Variants in CYBB observed in about 807,000 individuals in gnomAD.
The protein encoded by CYBB is NADPH oxidase 2.
CYBB carries 5 observed loss-of-function variants against 46.5 expected under a neutral mutation model. That is an observed-to-expected ratio of 0.11 (90% CI 0.06 to 0.23). The LOEUF (loss-of-function observed/expected upper bound fraction) is 0.23. CYBB is among the 10% of genes least tolerant of loss of function. The probability of loss-of-function intolerance (pLI) is 1.00; values close to 1 mark genes in which losing one functional copy is unlikely to be tolerated. For synonymous variants in CYBB, 183 were observed against 156.7 expected (o/e 1.17, Z -1.26); for missense variants, 307 against 428.3 (o/e 0.72, Z 2.50).
intron 3 of CYBB, among the ~76,000 whole-genome samples, chrX:37,784,040 TA>T (rs1556464942): frequency 5.4e-5 from 6 of 111,553 alleles, no homozygotes; most frequent in Admixed American, 2.9e-4. Flanking sequence ...AGTCACACTA[TA>T]ATGAATGTAA....
At chrX:37,780,739 T>A (rs983353872) in intron 1 of CYBB, among the ~76,000 whole-genome samples, 2 of 101,553 alleles carry the variant, frequency 2.0e-5, no homozygotes, top group Non-Finnish European at 4.0e-5. Context: ...TATATATATA[T>A]AAATCAATAT....
At chrX:37,791,574 G>A in intron 3 of CYBB, among the ~76,000 whole-genome samples, 1 of 112,089 alleles carries the variant, frequency 8.9e-6, no homozygotes, top group Non-Finnish European at 1.9e-5. Context: ...TCACTTGTCT[G>A]TGTCCCCACT....
chrX:37,782,427 T>G (rs1928971389), intron 2 of CYBB, among the ~76,000 whole-genome samples: 1 of 112,448 alleles, frequency 8.9e-6, no homozygotes, highest in Non-Finnish European at 1.9e-5. Flanking sequence ...CATGTGCCAT[T>G]GTTTAGCTTA....
chrX:37,786,663 AG>A (rs1271721263), intron 3 of CYBB, among the ~76,000 whole-genome samples: 1 of 111,183 alleles, frequency 9.0e-6, no homozygotes, highest in African/African-American at 3.3e-5. Flanking sequence ...AGAAAAATGG[AG>A]AATGGGTGAA....
chrX:37,808,730 A>G (rs1245926123), intron 11 of CYBB, among the ~76,000 whole-genome samples: 3 of 112,748 alleles, frequency 2.7e-5, no homozygotes, highest in Non-Finnish European at 5.6e-5. Flanking sequence ...AAAAAAATCT[A>G]TAGTATATAA....
chrX:37,804,232 C>A, intron 9 of CYBB, 102 bp downstream of exon 9: 2 of 869,384 alleles, frequency 2.3e-6, no homozygotes, highest in Non-Finnish European at 1.7e-6. Flanking sequence ...ACAAAACACA[C>A]AGGTTCTAAG....
rs35385341 is a variant in CYBB, at chrX:37,806,561, C to T, written c.1461+28C>T. 5.7e-5 allele frequency: 68 copies of T among 1,191,336 alleles called. No individual in the cohort carries two copies. The African/African-American group carries it at 7.4e-4, about 13-fold the overall frequency. ...AAGGACAAGACTCCAAGGCTCAGGT[C>T]CTTCCCATAGTGTACAGGGCTTACG... On this transcript the variant is annotated intron_variant, in intron 11 of 12. Coordinates refer to ENST00000378588, the MANE Select transcript of CYBB (RefSeq NM_000397.4).
chrX:37,802,596 A>G (rs1355281368), intron 8 of CYBB, among the ~76,000 whole-genome samples: 2 of 112,080 alleles, frequency 1.8e-5, no homozygotes, highest in Non-Finnish European at 3.8e-5. Flanking sequence ...AATTTTCAAC[A>G]TAATTTTAAT....
chrX:37,785,823 G>T (rs1305230719), intron 3 of CYBB, among the ~76,000 whole-genome samples: 1 of 111,696 alleles, frequency 9.0e-6, no homozygotes, highest in Non-Finnish European at 1.9e-5. Context: ...CACCAAGATG[G>T]CCTGTTAAGA....
In CYBB at chrX:37,811,855, G is replaced by A. The variant is rs926111880; in HGVS notation, c.*938G>A. 2.7e-5 allele frequency: 3 copies of A among 111,543 alleles called. No homozygotes were observed. The highest frequency in any genetic ancestry group is 9.5e-5 in the Admixed American group (1 of 10,507). The allele number at this position is 111,543 out of a possible 1,213,427, so 9.2% of individuals were successfully genotyped here. A position where few individuals can be genotyped will look rare whatever the true frequency, so the allele number is the denominator to read the frequency against. ...TTTGAAGCATGAAAAAAGAGGGTTG[G>A]AGGTGGAGAATTAACCTCCTGCCAT... is the stretch of plus-strand genomic sequence containing the variant. On this transcript the variant is annotated 3_prime_UTR_variant, in exon 13 of 13. Coordinates refer to ENST00000378588, the MANE Select transcript of CYBB (RefSeq NM_000397.4).
intron 4 of CYBB, 79 bp from the exon 5 acceptor site, chrX:37,793,586 G>A (rs370897470): frequency 3.6e-5 from 39 of 1,068,542 alleles, no homozygotes; most frequent in Non-Finnish European, 4.9e-5. Context: ...TAGAGTCAGA[G>A]GCTGTCCCAG....
chrX:37,792,176 T>A (rs1431692464), intron 4 of CYBB, 117 bp downstream of exon 4: 2 of 517,914 alleles, frequency 3.9e-6, no homozygotes, highest in Non-Finnish European at 6.9e-6. Context: ...ATATGTTGTA[T>A]TTTTTTAATG....
At chrX:37,809,723 G>T (rs1556472740) in intron 12 of CYBB, 32 bp downstream of exon 12, 10 of 1,200,059 alleles carry the variant, frequency 8.3e-6, no homozygotes, top group Non-Finnish European at 1.1e-5. Context: ...TGTTTTTGAG[G>T]CTTGCATCTG....
chrX:37,793,910 A>T, intron 5 of CYBB, 100 bp downstream of exon 5: 1 of 815,013 alleles, frequency 1.2e-6, no homozygotes, highest in Non-Finnish European at 1.8e-6. Flanking sequence ...AAAAAAAAAA[A>T]GTTGGCTAAC....
intron 8 of CYBB, among the ~76,000 whole-genome samples, chrX:37,802,761 T>C (rs1929471711): frequency 8.9e-6 from 1 of 112,174 alleles, no homozygotes; most frequent in South Asian, 3.6e-4. Context: ...CACAACTCCC[T>C]GTTCGAGAAA....
chrX:37,780,497 T>C (rs1010016163), intron 1 of CYBB, among the ~76,000 whole-genome samples: 6 of 111,623 alleles, frequency 5.4e-5, no homozygotes, highest in Non-Finnish European at 7.5e-5. Context: ...TTTTATACCA[T>C]TTTCTAAATA....
rs372595355 is a variant in CYBB, at chrX:37,799,630, A to G, written c.804+546A>G. Among the ~76,000 whole-genome samples, 296 of 112,041 alleles carry G rather than the reference A, an allele frequency of 2.6e-3. 2 individuals carry two copies. The highest frequency in any genetic ancestry group is 9.2e-3 in the Middle Eastern group (2 of 217). Reference sequence around the variant, plus strand: ...TTCATACCAACATCCCAATGGCATCATGTGGTGGGCAGAAGTGTGGCAAGG... The same window carrying G: ...TTCATACCAACATCCCAATGGCATCGTGTGGTGGGCAGAAGTGTGGCAAGG... On this transcript the variant is annotated intron_variant, in intron 7 of 12. Coordinates refer to ENST00000378588, the MANE Select transcript of CYBB (RefSeq NM_000397.4).
At chrX:37,795,349 C>T (rs1163544851) in intron 5 of CYBB, among the ~76,000 whole-genome samples, 2 of 111,685 alleles carry the variant, frequency 1.8e-5, no homozygotes, top group African/African-American at 6.5e-5. Context: ...AACTTACCCT[C>T]CAGAGTTGCC....
At position 37,804,855 on chromosome X, in the gene CYBB, C is replaced by T. The variant is rs35724386; in HGVS notation, c.1152-151C>T. The T allele has an allele frequency of 1.1e-3, 674 of 609,169 alleles. 4 individuals carry two copies. In the African/African-American group the frequency reaches 0.012, roughly 11 times the overall value. The allele number at this position is 609,169 out of a possible 1,213,427, so 50.2% of individuals were successfully genotyped here. A position where few individuals can be genotyped will look rare whatever the true frequency, so the allele number is the denominator to read the frequency against. ...CCAACGTTGGCACTAAGTTTGGTTA[C>T]TTGAAAGCTATTTCATAGAAGGAAG... On this transcript the variant is annotated intron_variant, in intron 9 of 12. Transcript: ENST00000378588.
Sources: allele counts gnomAD v4.1 joint callset (sites outside exome capture counted in the v4.1 genomes callset), GRCh38; gene constraint gnomAD v4.1.1; transcripts MANE v1.5; gene names NCBI Gene and HGNC (gene_info 2026-07-23, HGNC 2026-07-21).